Variants in PDGFRA observed in about 807,000 individuals in gnomAD.
PDGFRA encodes the protein platelet-derived growth factor receptor alpha.
PDGFRA carries 25 observed loss-of-function variants against 121.5 expected under a neutral mutation model. That is an observed-to-expected ratio of 0.21 (90% CI 0.15 to 0.29). The LOEUF is 0.29. Among genes scored for constraint, PDGFRA ranks in the 10% least tolerant of loss-of-function variants. The pLI, the probability that PDGFRA is intolerant of heterozygous loss-of-function variation, is 1.00. For synonymous variants in PDGFRA, 463 were observed against 494.8 expected (o/e 0.94, Z 0.85); for missense variants, 1,008 against 1,345.1 (o/e 0.75, Z 3.92).
chr4:54,294,245 G>A (rs1724770373), intron 22 of PDGFRA, among the ~76,000 whole-genome samples: 1 of 151,950 alleles, frequency 6.6e-6, no homozygotes, highest in Non-Finnish European at 1.5e-5. Flanking sequence ...CTTCACGGGG[G>A]TCGGGGAAGG....
chr4:54,295,226 A>G lies in PDGFRA; in HGVS notation c.3224A>G (p.Asp1075Gly). 1 of 1,614,034 alleles carries G rather than the reference A, an allele frequency of 6.2e-7. No homozygotes were observed. Among genetic ancestry groups the G allele is most frequent in the South Asian group, 1.1e-5 (1 of 91,072 alleles). Residue 1075 changes from aspartate (D) to glycine (G), a missense_variant, in exon 23 of 23, where the codon GAC becomes GGC. Physicochemically the swap from Asp to Gly is moderately conservative, Grantham distance 94. Transcript: ENST00000257290. Reference sequence around the variant, plus strand: ...ATTGAAGACATCGACATGATGGATGACATCGGCATAGACTCTTCAGACCTG... The same window carrying G: ...ATTGAAGACATCGACATGATGGATGGCATCGGCATAGACTCTTCAGACCTG... ...ETIEDIDMMD[D>G]IGIDSSDLVE...
chr4:54,243,459 G>A (rs956333490), intron 1 of PDGFRA: 3 of 152,218 alleles, frequency 2.0e-5, no homozygotes, highest in East Asian at 3.8e-4. Flanking sequence ...TGGGTTAAAG[G>A]ATTGTTTTAA....
At chr4:54,277,621 C>T (rs548232985) in intron 13 of PDGFRA, 129 bp downstream of exon 13, 1 of 743,636 alleles carries the variant, frequency 1.3e-6, no homozygotes, top group South Asian at 1.5e-5. Flanking sequence ...TATTTTGACT[C>T]CAGGTTTTAT....
intron 17 of PDGFRA, 99 bp downstream of exon 17, chr4:54,285,585 C>T: frequency 1.3e-6 from 1 of 758,278 alleles, no homozygotes; most frequent in Non-Finnish European, 2.4e-6. Context: ...CCATTAATAA[C>T]AGGGGCCTCT....
At chr4:54,247,679 T>C (rs1721770630) in intron 1 of PDGFRA, among the ~76,000 whole-genome samples, 1 of 152,154 alleles carries the variant, frequency 6.6e-6, no homozygotes, top group Admixed American at 6.5e-5. Context: ...GGATGCGCTC[T>C]CTCACCACTC....
At position 54,289,129 on chromosome 4, in the gene PDGFRA, G is replaced by C; in HGVS notation, c.2880+15G>C. 7.0e-7 allele frequency: 1 copy of C among 1,425,058 alleles called. No homozygotes were observed. The highest frequency in any genetic ancestry group is 9.9e-7 in the Non-Finnish European group (1 of 1,007,496). 88.3% of individuals were successfully genotyped at this position (1,425,058 alleles called of 1,614,324 possible). On this transcript the variant is annotated intron_variant, in intron 21 of 22. Coordinates refer to ENST00000257290, the MANE Select transcript of PDGFRA (RefSeq NM_006206.6). ...AATATAAAAAGGTGTGTTTGGATCT[G>C]TGGGTGGAAAGGTCTGGATAAAGCT...
At chr4:54,288,980 G>T in intron 20 of PDGFRA, 29 bp from the exon 21 acceptor site, 1 of 1,538,994 alleles carries the variant, frequency 6.5e-7, no homozygotes, top group Non-Finnish European at 9.0e-7. Flanking sequence ...ACTTCCCCCT[G>T]TGCCCACTCT....
At chr4:54,277,780 A>G in intron 13 of PDGFRA, 116 bp from the exon 14 acceptor site, 1 of 760,116 alleles carries the variant, frequency 1.3e-6, no homozygotes, top group Non-Finnish European at 2.3e-6. Flanking sequence ...CTTCTTTTAG[A>G]CTTCTGGTAA....
intron 1 of PDGFRA, among the ~76,000 whole-genome samples, chr4:54,247,047 T>A (rs907131760): frequency 3.9e-5 from 6 of 152,080 alleles, no homozygotes; most frequent in African/African-American, 7.2e-5. Flanking sequence ...AATAGACCAA[T>A]AACAGGCTCT....
intron 1 of PDGFRA, among the ~76,000 whole-genome samples, chr4:54,245,794 T>G (rs1721617379): frequency 6.6e-6 from 1 of 152,076 alleles, no homozygotes; most frequent in Admixed American, 6.6e-5. Flanking sequence ...TCAAGACCCA[T>G]CAGTGTGCTG....
In PDGFRA at chr4:54,275,522, A is replaced by G. The variant is rs117291423; in HGVS notation, c.1786+549A>G. Among the ~76,000 whole-genome samples, 20 of 152,350 alleles carry G rather than the reference A, an allele frequency of 1.3e-4. No individual in the cohort carries two copies. The East Asian group carries it at 3.9e-3, about 29-fold the overall frequency. ...GACCAAGTATATGAAGCTTTAGTCC[A>G]AGGGAGTATTTCTTTTTTAAATCAC... On this transcript the variant is annotated intron_variant, in intron 12 of 22. Coordinates refer to ENST00000257290, the MANE Select transcript of PDGFRA (RefSeq NM_006206.6).
At chr4:54,272,047 G>T (rs1413233091) in intron 8 of PDGFRA, among the ~76,000 whole-genome samples, 3 of 125,864 alleles carry the variant, frequency 2.4e-5, no homozygotes, top group African/African-American at 9.2e-5. Flanking sequence ...TTCTCACCAT[G>T]TTGCCCAGGC....
chr4:54,265,497 C>A (rs781619785), intron 5 of PDGFRA: 31 of 269,316 alleles, frequency 1.2e-4, no homozygotes, highest in Non-Finnish European at 2.0e-4. Context: ...TGTTGGCACC[C>A]AGGACAATGT....
chr4:54,250,651 C>T (rs1012699089), intron 1 of PDGFRA, among the ~76,000 whole-genome samples: 3 of 152,186 alleles, frequency 2.0e-5, no homozygotes, highest in Non-Finnish European at 4.4e-5. Flanking sequence ...AATCAGCTGT[C>T]CTAAGACTTT....
At chr4:54,249,098 G>A (rs1460419024) in intron 1 of PDGFRA, among the ~76,000 whole-genome samples, 3 of 152,184 alleles carry the variant, frequency 2.0e-5, no homozygotes. Flanking sequence ...TGGAGAAATA[G>A]GAACACTTTT....
At chr4:54,281,904 A>AT (rs1426751705) in intron 16 of PDGFRA, 1 of 1,150,372 alleles carries the variant, frequency 8.7e-7, no homozygotes, top group African/African-American at 1.6e-5. Flanking sequence ...TTGGTGGTTG[A>AT]TTTTATTAAC....
At chr4:54,284,564 C>CAGAGAGAGAG (rs59292448) in intron 16 of PDGFRA, among the ~76,000 whole-genome samples, 39 of 55,952 alleles carry the variant, frequency 7.0e-4, no homozygotes, top group African/African-American at 1.5e-3. Flanking sequence ...GAGAGAGAGA[C>CAGAGAGAGAG]AGAGAGAGAG....
intron 19 of PDGFRA, among the ~76,000 whole-genome samples, chr4:54,287,760 T>C (rs1388677633): frequency 6.6e-6 from 1 of 152,200 alleles, no homozygotes; most frequent in Non-Finnish European, 1.5e-5. Context: ...GTCTTACTCC[T>C]GGCCTCTGCC....
At chr4:54,283,140 C>T (rs1399522927) in intron 16 of PDGFRA, among the ~76,000 whole-genome samples, 10 of 152,156 alleles carry the variant, frequency 6.6e-5, no homozygotes, top group African/African-American at 2.2e-4. Flanking sequence ...GCCCTCCCCT[C>T]GTAGCTTCAC....
Sources: allele counts gnomAD v4.1 joint callset (sites outside exome capture counted in the v4.1 genomes callset), GRCh38; gene constraint gnomAD v4.1.1; transcripts MANE v1.5; gene names NCBI Gene and HGNC (gene_info 2026-07-23, HGNC 2026-07-21).